The following AFG2A variants were observed in gnomAD, a reference collection of about 807,000 sequenced individuals.
AFG2A encodes AAA ATPase AFG2A, also known as ATPase family gene 2 protein homolog A.
chr4:123,066,789 T>C, the AFG2A span, among the ~76,000 whole-genome samples: 1 of 152,206 alleles, frequency 6.6e-6, no homozygotes, highest in Non-Finnish European at 1.5e-5. Flanking sequence ...TAATTTCATA[T>C]TGGTAAATTT....
chr4:123,017,208 A>AGGG, the AFG2A span, among the ~76,000 whole-genome samples: 1 of 78,588 alleles, frequency 1.3e-5, no homozygotes, highest in South Asian at 6.2e-4. Context: ...GGAGAGGGAG[A>AGGG]GAGAGAGGGA....
chr4:122,975,203 TTGCATCCAAGATGG>T, the AFG2A span, among the ~76,000 whole-genome samples: 1 of 152,186 alleles, frequency 6.6e-6, no homozygotes, highest in Non-Finnish European at 1.5e-5. Flanking sequence ...CTCAGTCTCT[TTGCATCCAAGATGG>T]TGCCTTGAAT....
chr4:123,056,307 A>T, the AFG2A span: 1 of 1,336,262 alleles, frequency 7.5e-7, no homozygotes, highest in South Asian at 1.4e-5. Context: ...TCTTTTGTGT[A>T]TATTTTTTCT....
At chr4:123,165,270 A>G in the AFG2A span, among the ~76,000 whole-genome samples, 1 of 152,174 alleles carries the variant, frequency 6.6e-6, no homozygotes, top group African/African-American at 2.4e-5. Context: ...CTTTTGGGTT[A>G]GTGAAAATGT....
the AFG2A span, among the ~76,000 whole-genome samples, chr4:122,941,830 G>A: frequency 6.6e-6 from 1 of 151,602 alleles, no homozygotes; most frequent in Admixed American, 6.6e-5. Context: ...TTTATTGAGA[G>A]TTTTTAGCAT....
At chr4:123,298,789 A>G in the AFG2A span, among the ~76,000 whole-genome samples, 1 of 152,222 alleles carries the variant, frequency 6.6e-6, no homozygotes, top group Non-Finnish European at 1.5e-5. Context: ...AAGTTAACCC[A>G]AAACTTAATG....
chr4:123,155,217 G>A, the AFG2A span, among the ~76,000 whole-genome samples: 2 of 151,852 alleles, frequency 1.3e-5, no homozygotes, highest in East Asian at 1.9e-4. Flanking sequence ...CCCGAGTAGC[G>A]TGGACTACAG....
At chr4:123,295,662 G>T in the AFG2A span, among the ~76,000 whole-genome samples, 15,863 of 152,308 alleles carry the variant, frequency 0.1, 929 homozygotes, top group Middle Eastern at 0.17. Context: ...GTCTGAGAAA[G>T]TTGAGAAACA....
the AFG2A span, among the ~76,000 whole-genome samples, chr4:123,143,968 C>G: frequency 6.6e-6 from 1 of 151,606 alleles, no homozygotes; most frequent in South Asian, 2.1e-4. Flanking sequence ...ATGTTTTCAT[C>G]GTAATGCTAT....
At chr4:123,272,817 AGAG>A in the AFG2A span, among the ~76,000 whole-genome samples, 3 of 152,178 alleles carry the variant, frequency 2.0e-5, no homozygotes, top group African/African-American at 7.2e-5. Context: ...AATGAAAAAG[AGAG>A]GAGAGAGATT....
chr4:123,089,299 C>G, the AFG2A span, among the ~76,000 whole-genome samples: 4 of 152,140 alleles, frequency 2.6e-5, no homozygotes, highest in Non-Finnish European at 5.9e-5. Flanking sequence ...GATGATTATA[C>G]TGAGGTGTGT....
At chr4:122,999,306 G>A in the AFG2A span, among the ~76,000 whole-genome samples, 2 of 152,146 alleles carry the variant, frequency 1.3e-5, no homozygotes, top group East Asian at 1.9e-4. Context: ...GAAGTTCTTT[G>A]GTTTAATTAG....
the AFG2A span, among the ~76,000 whole-genome samples, chr4:123,265,469 A>G: frequency 6.6e-6 from 1 of 152,172 alleles, no homozygotes; most frequent in Non-Finnish European, 1.5e-5. Flanking sequence ...CCTTCTGCTT[A>G]AATTGGCAAC....
At chr4:123,013,392 T>G in the AFG2A span, among the ~76,000 whole-genome samples, 1 of 152,182 alleles carries the variant, frequency 6.6e-6, no homozygotes, top group Non-Finnish European at 1.5e-5. Context: ...ATGTATGGGT[T>G]TAATACTAAC....
chr4:123,038,376 GTA>G, the AFG2A span, among the ~76,000 whole-genome samples: 1 of 152,074 alleles, frequency 6.6e-6, no homozygotes, highest in South Asian at 2.1e-4. Context: ...AGAAATTGAT[GTA>G]TGTTTGACCT....
the AFG2A span, among the ~76,000 whole-genome samples, chr4:123,102,798 C>G: frequency 1.4e-5 from 2 of 141,154 alleles, no homozygotes; most frequent in East Asian, 2.1e-4. Context: ...TCCTGGCATT[C>G]TGTGTGTGTG....
At chr4:122,999,502 G>C in the AFG2A span, among the ~76,000 whole-genome samples, 1 of 152,112 alleles carries the variant, frequency 6.6e-6, no homozygotes, top group African/African-American at 2.4e-5. Flanking sequence ...GTAAGGAAGG[G>C]ATCCAGTTTC....
the AFG2A span, among the ~76,000 whole-genome samples, chr4:123,305,516 T>C: frequency 2.0e-5 from 3 of 152,242 alleles, no homozygotes; most frequent in Admixed American, 2.0e-4. Flanking sequence ...ATTGGGTTTC[T>C]AATCTGTCAA....
At chr4:123,276,893 G>A in the AFG2A span, among the ~76,000 whole-genome samples, 4 of 152,126 alleles carry the variant, frequency 2.6e-5, no homozygotes, top group African/African-American at 9.6e-5. Flanking sequence ...GCCTTGTAGT[G>A]TAGTTTGAAT....
Sources: gnomAD v4.1 joint callset for allele counts (sites outside exome capture counted in the v4.1 genomes callset) on GRCh38, gnomAD v4.1.1 for gene constraint, MANE v1.5 for transcripts, NCBI Gene and HGNC (gene_info 2026-07-23, HGNC 2026-07-21) for gene names.